Variants in PLEKHA6 observed in about 807,000 individuals in gnomAD.
PLEKHA6 encodes pleckstrin homology domain-containing family A member 6.
A neutral mutation model predicts 116.7 loss-of-function variants in PLEKHA6; 60 were observed. The ratio of observed to expected loss-of-function variants is 0.51; its 90% confidence interval spans 0.42 to 0.64. The LOEUF (loss-of-function observed/expected upper bound fraction) is 0.64, where lower values mean the gene tolerates loss of function less well. PLEKHA6 is among the 30% of genes least tolerant of loss of function. The probability of loss-of-function intolerance (pLI) is 0.00; values close to 1 mark genes in which losing one functional copy is unlikely to be tolerated. For synonymous variants in PLEKHA6, 489 were observed against 556.1 expected (o/e 0.88, Z 1.70); for missense variants, 1,338 against 1,422.7 (o/e 0.94, Z 0.96).
chr1:204,319,868 G>C (rs1483531630), intron 1 of PLEKHA6, among the ~76,000 whole-genome samples: 4 of 152,158 alleles, frequency 2.6e-5, no homozygotes, highest in African/African-American at 9.6e-5. Flanking sequence ...GCAGGGATGA[G>C]GAGGGAGGGA....
At chr1:204,282,617 G>T (rs968570475) in intron 1 of PLEKHA6, 2 of 980,910 alleles carry the variant, frequency 2.0e-6, no homozygotes, top group Non-Finnish European at 2.4e-6. Context: ...ATCATTCCCG[G>T]GTACAGCCAG....
intron 1 of PLEKHA6, among the ~76,000 whole-genome samples, chr1:204,306,658 T>C (rs1201342499): frequency 6.6e-6 from 1 of 152,138 alleles, no homozygotes; most frequent in African/African-American, 2.4e-5. Context: ...TTATAAGAAA[T>C]GTTCCAGGAC....
intron 1 of PLEKHA6, among the ~76,000 whole-genome samples, chr1:204,342,765 A>G (rs923093001): frequency 5.9e-5 from 9 of 152,242 alleles, no homozygotes; most frequent in Admixed American, 2.6e-4. Flanking sequence ...CAGAGGAGCT[A>G]GAGTTGGAGG....
chr1:204,311,258 G>A (rs190225429), intron 1 of PLEKHA6, among the ~76,000 whole-genome samples: 50 of 152,346 alleles, frequency 3.3e-4, no homozygotes, highest in Non-Finnish European at 5.7e-4. Flanking sequence ...TTGGGAGGCT[G>A]AGGCAGGCAG....
Position 204,351,028 on chromosome 1 carries a change from C to G in PLEKHA6, c.-95+8666G>C, listed in dbSNP as rs369478127. On this transcript the variant is annotated intron_variant, in intron 1 of 22. Transcript: ENST00000272203. ...TCCCCCAGCTCACCACCCTCCTCTC[C>G]GAACGCCAGCTAACCGGTTACCCGG... Among the ~76,000 whole-genome samples, 80 of 152,294 alleles carry G rather than the reference C, an allele frequency of 5.3e-4. 1 individual carries two copies. Among genetic ancestry groups the G allele is most frequent in the African/African-American group, 1.9e-3 (78 of 41,574 alleles).
intron 1 of PLEKHA6, among the ~76,000 whole-genome samples, chr1:204,286,192 G>A (rs1014867146): frequency 6.6e-6 from 1 of 152,192 alleles, no homozygotes; most frequent in Non-Finnish European, 1.5e-5. Flanking sequence ...TTACAGAGGG[G>A]AGGGAAGACA....
chr1:204,359,704 G>A lies in PLEKHA6; in HGVS notation c.-105C>T. On this transcript the variant is annotated 5_prime_UTR_variant, in exon 1 of 23. Coordinates refer to ENST00000272203, the MANE Select transcript of PLEKHA6 (RefSeq NM_014935.5). ...TGAAAACAGACTCACCGGCTTCTGAGGTGTGATCCCCGCGCTGGAAAGCTC... is the reference window on the plus strand; with the variant it reads ...TGAAAACAGACTCACCGGCTTCTGAAGTGTGATCCCCGCGCTGGAAAGCTC... 3.1e-6 allele frequency: 3 copies of A among 977,844 alleles called. No homozygotes were observed. The highest frequency in any genetic ancestry group is 4.7e-5 in the South Asian group (1 of 21,146). The allele number at this position is 977,844 out of a possible 1,614,324, so 60.6% of individuals were successfully genotyped here.
chr1:204,239,993 C>T (rs189758474), intron 17 of PLEKHA6, among the ~76,000 whole-genome samples: 50 of 152,258 alleles, frequency 3.3e-4, no homozygotes, highest in Admixed American at 9.8e-4. Flanking sequence ...GGAAACACAA[C>T]GATTCCATTA....
chr1:204,275,080 C>T (rs1178812568), intron 1 of PLEKHA6: 3 of 260,774 alleles, frequency 1.2e-5, no homozygotes, highest in African/African-American at 6.9e-5. Context: ...ATAAGCCACA[C>T]TGAACTCTTT....
chr1:204,227,025 T>G (rs1660457290), intron 21 of PLEKHA6, among the ~76,000 whole-genome samples: 1 of 152,196 alleles, frequency 6.6e-6, no homozygotes, highest in African/African-American at 2.4e-5. Context: ...GGCAGGAATT[T>G]TGATTTGAAT....
intron 1 of PLEKHA6, among the ~76,000 whole-genome samples, chr1:204,340,365 G>A (rs571566520): frequency 6.6e-6 from 1 of 152,256 alleles, no homozygotes; most frequent in East Asian, 1.9e-4. Flanking sequence ...TCTGAGAGGC[G>A]GCTGCTGGGG....
chr1:204,248,770 G>C, intron 12 of PLEKHA6, 51 bp downstream of exon 12: 2 of 1,564,428 alleles, frequency 1.3e-6, no homozygotes, highest in Non-Finnish European at 1.7e-6. Context: ...TGGTGGCCCT[G>C]CTGCCTAGTG....
rs766409207 is a variant in PLEKHA6 at position 204,265,032 on chromosome 1, T to C, written c.291A>G (p.Glu97=). 6.2e-7 allele frequency: 1 copy of C among 1,613,060 alleles called. No individual in the cohort carries two copies. The highest frequency in any genetic ancestry group is 8.5e-7 in the Non-Finnish European group (1 of 1,179,032). The stretch of plus-strand genomic sequence containing the variant: ...GGGGGATGCTGCCCAGGATACTCTC[T>C]TCCTTCTCATCTGTCAGGGAGAGAG... ...RCLFYYKDEK[E]ESILGSIPLL... Residue 97 remains glutamate, a synonymous_variant, in exon 6 of 23, where the codon GAA becomes GAG. Coordinates refer to ENST00000272203, the MANE Select transcript of PLEKHA6 (RefSeq NM_014935.5).
intron 1 of PLEKHA6, among the ~76,000 whole-genome samples, chr1:204,278,633 G>T (rs1447509341): frequency 6.6e-6 from 1 of 152,234 alleles, no homozygotes; most frequent in Non-Finnish European, 1.5e-5. Context: ...TGTAACTGGG[G>T]TCAACCGCTG....
chr1:204,331,025 T>C (rs1368088585), intron 1 of PLEKHA6, among the ~76,000 whole-genome samples: 2 of 151,736 alleles, frequency 1.3e-5, no homozygotes, highest in Middle Eastern at 3.2e-3. Context: ...CGAAACCCCA[T>C]CTCCACTAAA....
chr1:204,300,220 C>A (rs1572127784), intron 1 of PLEKHA6, among the ~76,000 whole-genome samples: 1 of 152,130 alleles, frequency 6.6e-6, no homozygotes, highest in East Asian at 1.9e-4. Flanking sequence ...TAATTGAATT[C>A]TCCCTATTTC....
chr1:204,296,719 C>A (rs1337013907), intron 1 of PLEKHA6, among the ~76,000 whole-genome samples: 1 of 152,220 alleles, frequency 6.6e-6, no homozygotes, highest in East Asian at 1.9e-4. Flanking sequence ...CTGCTTCACT[C>A]AGAGACACCC....
In PLEKHA6 at chr1:204,247,464, C is replaced by CG. The variant is rs1663867348; in HGVS notation, c.1825-5dup. ...CTATGGTGCTGTTTGTCAGGGCCTA[C>CG]GGGGGAAAGAGGCGTTCACTGAGAA... On this transcript the variant is annotated splice_polypyrimidine_tract_variant and splice_region_variant and intron_variant, in intron 12 of 22. Coordinates refer to ENST00000272203, the MANE Select transcript of PLEKHA6 (RefSeq NM_014935.5). 4 of 1,598,690 alleles carry CG rather than the reference C, an allele frequency of 2.5e-6. No individual in the cohort carries two copies. The highest frequency in any genetic ancestry group is 2.6e-6 in the Non-Finnish European group (3 of 1,166,804).
At chr1:204,326,759 G>C (rs949014314) in intron 1 of PLEKHA6, among the ~76,000 whole-genome samples, 65 of 152,114 alleles carry the variant, frequency 4.3e-4, no homozygotes, top group African/African-American at 1.4e-3. Context: ...TGGTTGGTTG[G>C]TTCATTCATT....
Sources: gnomAD v4.1 joint callset for allele counts (sites outside exome capture counted in the v4.1 genomes callset) on GRCh38, gnomAD v4.1.1 for gene constraint, MANE v1.5 for transcripts, NCBI Gene and HGNC (gene_info 2026-07-23, HGNC 2026-07-21) for gene names.